Variants in PHLPP1 observed in about 807,000 individuals in gnomAD.
The protein encoded by PHLPP1 is PH domain and leucine rich repeat protein phosphatase 1.
Under a neutral mutation model 117.2 loss-of-function variants are expected in PHLPP1, and 42 were observed. The observed-to-expected ratio is 0.36, with a 90% CI of 0.28 to 0.46. PHLPP1 has a LOEUF of 0.46. Ranked by LOEUF, PHLPP1 falls within the 20% of genes least tolerant of loss-of-function variation. The pLI is 1.00. For synonymous variants in PHLPP1, 1,042 were observed against 970.7 expected, an observed-to-expected ratio of 1.07 and a Z score of -1.37; for missense variants, 2,084 against 2,241.9, an observed-to-expected ratio of 0.93 and a Z score of 1.42.
At position 62,968,529 on chromosome 18, in the gene PHLPP1, CTTTTTTTTTTT is replaced by C. The variant is rs34849907; in HGVS notation, c.3561-3969_3561-3959del. ...CTGTTCATAATATCCCATTATTAGGCTTTTTTTTTTTTTTTTTTTTTTTTTTGAGATGGAGT... is the reference window on the plus strand; with the variant it reads ...CTGTTCATAATATCCCATTATTAGGCTTTTTTTTTTTTTTTGAGATGGAGT... On this transcript the variant is annotated intron_variant, in intron 14 of 16. Transcript: ENST00000262719. Among the ~76,000 whole-genome samples, 34 of 51,774 alleles carry C rather than the reference CTTTTTTTTTTT, an allele frequency of 6.6e-4. 1 individual carries two copies. The highest frequency in any genetic ancestry group is 3.7e-3 in the Admixed American group (16 of 4,304). The allele number at this position is 51,774 out of a possible 152,430, so 34.0% of individuals were successfully genotyped here.
chr18:62,757,198 A>C lies in PHLPP1; in HGVS notation c.1576+39939A>C, dbSNP rs527894434. ...ACAAGGCCTCAATACATAATCTCTT[A>C]TTAGTTTATAGAACGACTACTGAAA... On this transcript the variant is annotated intron_variant, in intron 1 of 16. Coordinates refer to ENST00000262719, the MANE Select transcript of PHLPP1 (RefSeq NM_194449.4). Among the ~76,000 whole-genome samples the C allele has an allele frequency of 8.5e-5, 13 of 152,356 alleles. No individual in the cohort carries two copies. The South Asian group carries it at 2.7e-3, about 32-fold the overall frequency.
intron 4 of PHLPP1, among the ~76,000 whole-genome samples, chr18:62,873,889 A>G (rs1273791626): frequency 6.6e-6 from 1 of 152,152 alleles, no homozygotes; most frequent in East Asian, 1.9e-4. Context: ...TATACTTAAG[A>G]AAGATAAATA....
chr18:62,792,315 T>G (rs563465395), intron 1 of PHLPP1, among the ~76,000 whole-genome samples: 3 of 152,364 alleles, frequency 2.0e-5, no homozygotes, highest in African/African-American at 7.2e-5. Context: ...AACTGTAATT[T>G]GCTGTCTCAT....
At chr18:62,859,175 G>T (rs1054187097) in intron 3 of PHLPP1, among the ~76,000 whole-genome samples, 3 of 152,242 alleles carry the variant, frequency 2.0e-5, no homozygotes, top group Non-Finnish European at 4.4e-5. Context: ...GATAAATAGG[G>T]AGAATTAACC....
Position 62,954,213 on chromosome 18 carries a change from G to A in PHLPP1, c.3325-4416G>A, listed in dbSNP as rs564482515. Among the ~76,000 whole-genome samples, 9 of 152,142 alleles carry A rather than the reference G, an allele frequency of 5.9e-5. No individual in the cohort carries two copies. In the East Asian group the frequency reaches 1.5e-3, roughly 26 times the overall value. ...TTCTGAGGGTTGCATAATTTTTTGG[G>A]CATTCTTACCAGAATTTTGATTATA... On this transcript the variant is annotated intron_variant, in intron 12 of 16. Coordinates refer to ENST00000262719, the MANE Select transcript of PHLPP1 (RefSeq NM_194449.4).
rs747194049 is a variant in PHLPP1, at chr18:62,860,419, T to C, written c.1900-16T>C. On this transcript the variant is annotated splice_polypyrimidine_tract_variant and intron_variant, in intron 3 of 16. Coordinates refer to ENST00000262719, the MANE Select transcript of PHLPP1 (RefSeq NM_194449.4). The stretch of plus-strand genomic sequence containing the variant: ...ATAAGTGGATGGTATTAAAATTAAG[T>C]TTTATCCCCCTTTAGGTTGCATCCC... The C allele has an allele frequency of 6.2e-6, 10 of 1,611,486 alleles. No individual in the cohort carries two copies. The South Asian group carries it at 1.1e-4, about 18-fold the overall frequency.
At chr18:62,942,466 A>G (rs1334808506) in intron 11 of PHLPP1, among the ~76,000 whole-genome samples, 1 of 152,236 alleles carries the variant, frequency 6.6e-6, no homozygotes, top group Admixed American at 6.5e-5. Flanking sequence ...ACCAAACTTT[A>G]TATTCATATT....
chr18:62,852,068 T>C (rs965690311), intron 3 of PHLPP1, among the ~76,000 whole-genome samples: 4 of 151,144 alleles, frequency 2.6e-5, no homozygotes, highest in Non-Finnish European at 4.4e-5. Context: ...TTTGTAGAGA[T>C]GGGGTCTTGC....
intron 1 of PHLPP1, chr18:62,825,356 G>GTA (rs1043425106): frequency 6.8e-6 from 1 of 147,436 alleles, no homozygotes; most frequent in Non-Finnish European, 1.5e-5. Context: ...ACCAATGTAT[G>GTA]TATATATATA....
At chr18:62,828,741 G>C (rs719565) in intron 1 of PHLPP1, among the ~76,000 whole-genome samples, 5 of 151,918 alleles carry the variant, frequency 3.3e-5, no homozygotes, top group Non-Finnish European at 5.9e-5. Flanking sequence ...ATTTATGTTG[G>C]TTTTTAATAT....
intron 14 of PHLPP1, 56 bp downstream of exon 14, chr18:62,963,528 A>G (rs1487751741): frequency 9.0e-7 from 1 of 1,116,470 alleles, no homozygotes; most frequent in Non-Finnish European, 1.3e-6. Flanking sequence ...TCACTCCTTT[A>G]GTTGGGTAGA....
intron 4 of PHLPP1, among the ~76,000 whole-genome samples, chr18:62,872,617 G>A (rs537806829): frequency 2.0e-5 from 3 of 152,084 alleles, no homozygotes; most frequent in African/African-American, 2.4e-5. Context: ...GCTTGAACCC[G>A]GGAGGTGGAG....
At chr18:62,887,736 T>C (rs1042716039) in intron 4 of PHLPP1, among the ~76,000 whole-genome samples, 7 of 152,184 alleles carry the variant, frequency 4.6e-5, no homozygotes, top group Admixed American at 4.6e-4. Context: ...TTTTTATTTT[T>C]ATTTTATTTT....
chr18:62,736,411 A>G (rs553765592), intron 1 of PHLPP1, among the ~76,000 whole-genome samples: 10 of 152,244 alleles, frequency 6.6e-5, no homozygotes, highest in African/African-American at 2.4e-4. Flanking sequence ...AGTGGGAGGG[A>G]GTAAAGGAGA....
At chr18:62,788,976 C>T (rs968624088) in intron 1 of PHLPP1, among the ~76,000 whole-genome samples, 3 of 152,066 alleles carry the variant, frequency 2.0e-5, no homozygotes, top group Non-Finnish European at 2.9e-5. Context: ...CCCAGCTTAA[C>T]GTGCAATGGA....
chr18:62,803,531 A>T (rs1438878972), intron 1 of PHLPP1, among the ~76,000 whole-genome samples: 1 of 152,176 alleles, frequency 6.6e-6, no homozygotes, highest in East Asian at 1.9e-4. Context: ...TGCATGTAGG[A>T]GGTCATTGCT....
intron 12 of PHLPP1, among the ~76,000 whole-genome samples, chr18:62,950,077 C>T (rs1052464661): frequency 5.3e-5 from 8 of 152,110 alleles, no homozygotes; most frequent in African/African-American, 1.9e-4. Context: ...AGTGTTGATA[C>T]CTGCGGTGAA....
intron 3 of PHLPP1, 53 bp from the exon 4 acceptor site, chr18:62,860,382 A>G (rs1188823532): frequency 7.1e-7 from 1 of 1,414,898 alleles, no homozygotes; most frequent in African/African-American, 1.4e-5. Flanking sequence ...ATCCATAGAA[A>G]GTAGTTATAG....
chr18:62,718,136 C>G (rs1568092433), intron 1 of PHLPP1, among the ~76,000 whole-genome samples: 1 of 152,186 alleles, frequency 6.6e-6, no homozygotes, highest in Non-Finnish European at 1.5e-5. Context: ...AATTCAGGAG[C>G]TATAGATGCT....
Sources: gnomAD v4.1 joint callset for allele counts (sites outside exome capture counted in the v4.1 genomes callset) on GRCh38, gnomAD v4.1.1 for gene constraint, MANE v1.5 for transcripts, NCBI Gene and HGNC (gene_info 2026-07-23, HGNC 2026-07-21) for gene names.